EPHA6: variants seen among roughly 807,000 people sequenced by gnomAD.
The protein encoded by EPHA6 is EPH receptor A6.
Under a neutral mutation model 112.0 loss-of-function variants are expected in EPHA6, and 50 were observed. The observed-to-expected ratio is 0.45, with a 90% CI of 0.36 to 0.56. The LOEUF (loss-of-function observed/expected upper bound fraction) is 0.56, where lower values mean the gene tolerates loss of function less well. EPHA6 is among the 20% of genes least tolerant of loss of function. EPHA6 has a pLI of 0.00. For missense variants in EPHA6, 1,280 were observed against 1,417.4 expected (o/e 0.90, Z 1.56); for synonymous variants, 529 against 490.7 (o/e 1.08, Z -1.03).
intron 13 of EPHA6, among the ~76,000 whole-genome samples, chr3:97,630,442 T>G (rs2093893210): frequency 6.6e-6 from 1 of 152,024 alleles, no homozygotes; most frequent in South Asian, 2.1e-4. Context: ...AAACATTTCT[T>G]TTTCAAATTC....
At chr3:97,747,312 A>G in intron 16 of EPHA6, 111 bp from the exon 17 acceptor site, 1 of 968,240 alleles carries the variant, frequency 1.0e-6, no homozygotes, top group Non-Finnish European at 1.4e-6. Context: ...AATGGAGAAT[A>G]AAAACATTAG....
intron 5 of EPHA6, among the ~76,000 whole-genome samples, chr3:97,284,233 A>C (rs1395110256): frequency 6.6e-6 from 1 of 152,128 alleles, no homozygotes; most frequent in Non-Finnish European, 1.5e-5. Flanking sequence ...TAGATATTTG[A>C]TTCTTATTGT....
chr3:97,419,412 C>T (rs1025859885), intron 6 of EPHA6, among the ~76,000 whole-genome samples: 1 of 151,952 alleles, frequency 6.6e-6, no homozygotes, highest in Non-Finnish European at 1.5e-5. Flanking sequence ...TCACCTGAGG[C>T]CAGCAGTTCA....
intron 9 of EPHA6, among the ~76,000 whole-genome samples, chr3:97,480,934 C>T (rs1212309579): frequency 5.3e-5 from 8 of 149,980 alleles, no homozygotes; most frequent in East Asian, 2.0e-4. Context: ...CGGGCAAAGA[C>T]GCTCCTCACT....
In EPHA6 at chr3:97,244,099, G is replaced by T. The variant is rs565852920; in HGVS notation, c.1418G>T (p.Cys473Phe). 1 of 1,613,032 alleles carries T rather than the reference G, an allele frequency of 6.2e-7. No homozygotes were observed. The highest frequency in any genetic ancestry group is 1.3e-5 in the African/African-American group (1 of 74,982). Residue 473 changes from cysteine to phenylalanine, a missense_variant, in exon 5 of 18, where the codon TGT becomes TTT. Cys to Phe is a radical substitution (Grantham distance 205). Coordinates refer to ENST00000389672, the MANE Select transcript of EPHA6 (RefSeq NM_001080448.3). ...CKKCGLDTSQ[C>F]EDCGGGLRFI... ...AAATGTGGCTTAGACACCAGCCAGTGTGAGGACTGTGGTGGAGGACTCCGC... is the reference window on the plus strand; with the variant it reads ...AAATGTGGCTTAGACACCAGCCAGTTTGAGGACTGTGGTGGAGGACTCCGC...
intron 5 of EPHA6, among the ~76,000 whole-genome samples, chr3:97,386,837 G>A (rs143932391): frequency 2.0e-5 from 3 of 152,332 alleles, no homozygotes; most frequent in Non-Finnish European, 2.9e-5. Context: ...ACATCCAGGT[G>A]TTTCCATACA....
rs1322705215 is a variant in EPHA6, at chr3:97,396,889, A to G, written c.1607-8261A>G. ...CTCCACATAAGCATAAGAAAATAAT[A>G]CTCATCTAATTGTAAATGAGGCCTC... On this transcript the variant is annotated intron_variant, in intron 5 of 17. Transcript: ENST00000389672. Among the ~76,000 whole-genome samples, 5 of 151,892 alleles carry G rather than the reference A, an allele frequency of 3.3e-5. No homozygotes were observed. The South Asian group carries it at 1.0e-3, about 31-fold the overall frequency.
intron 3 of EPHA6, among the ~76,000 whole-genome samples, chr3:97,012,243 A>G (rs984899118): frequency 2.0e-5 from 3 of 151,820 alleles, no homozygotes; most frequent in Non-Finnish European, 4.4e-5. Context: ...ACTGCTTTCC[A>G]TGGTGGCTGA....
intron 3 of EPHA6, among the ~76,000 whole-genome samples, chr3:97,208,306 A>T (rs1036949555): frequency 6.6e-6 from 1 of 152,216 alleles, no homozygotes; most frequent in African/African-American, 2.4e-5. Flanking sequence ...AAGCTATTTT[A>T]AAATATTAAT....
At chr3:97,273,881 C>T (rs2079976975) in intron 5 of EPHA6, among the ~76,000 whole-genome samples, 1 of 152,138 alleles carries the variant, frequency 6.6e-6, no homozygotes, top group African/African-American at 2.4e-5. Flanking sequence ...ATTGTCTACC[C>T]AGACTAAGAG....
intron 2 of EPHA6, among the ~76,000 whole-genome samples, chr3:96,899,282 G>A (rs2038469822): frequency 6.6e-6 from 1 of 152,032 alleles, no homozygotes; most frequent in Non-Finnish European, 1.5e-5. Context: ...GTATATCTGT[G>A]TCTTCATACA....
chr3:97,676,039 G>C (rs1352599012), intron 14 of EPHA6, among the ~76,000 whole-genome samples: 1 of 152,100 alleles, frequency 6.6e-6, no homozygotes, highest in East Asian at 1.9e-4. Context: ...GGAAAAAATT[G>C]CTAAATTTTG....
At chr3:97,024,158 A>G (rs1299999518) in intron 3 of EPHA6, among the ~76,000 whole-genome samples, 3 of 152,186 alleles carry the variant, frequency 2.0e-5, no homozygotes, top group Non-Finnish European at 4.4e-5. Context: ...CTAGTATAAG[A>G]GTAGAGCAGT....
At chr3:97,391,481 A>C (rs552668264) in intron 5 of EPHA6, among the ~76,000 whole-genome samples, 2 of 151,928 alleles carry the variant, frequency 1.3e-5, no homozygotes, top group Non-Finnish European at 2.9e-5. Flanking sequence ...TTCCAGGCTG[A>C]TCCTATTTCT....
At position 97,536,067 on chromosome 3, in the gene EPHA6, A is replaced by G. The variant is rs112218897; in HGVS notation, c.2386+3524A>G. 5.1e-3 allele frequency among the ~76,000 whole-genome samples: 780 copies of G among 152,298 alleles called. 9 individuals are homozygous for G. Among genetic ancestry groups the G allele is most frequent in the African/African-American group, 0.018 (747 of 41,576 alleles). On this transcript the variant is annotated intron_variant, in intron 11 of 17. Transcript: ENST00000389672. ...ATTAAGATACAAGTGATATAAAAAG[A>G]GATTAATTGACCCATAACCATATGC...
At chr3:97,724,556 A>T (rs1004766439) in intron 15 of EPHA6, among the ~76,000 whole-genome samples, 1 of 152,060 alleles carries the variant, frequency 6.6e-6, no homozygotes, top group African/African-American at 2.4e-5. Flanking sequence ...ATCACTTCCC[A>T]GGAGTTCCAG....
rs770221629 is a variant in EPHA6, at chr3:97,475,399, G to A, written c.1942G>A (p.Ala648Thr). The A allele has an allele frequency of 6.8e-6, 11 of 1,611,954 alleles. No homozygotes were observed. Among genetic ancestry groups the A allele is most frequent in the East Asian group, 2.2e-5 (1 of 44,842 alleles). Residue 648 changes from alanine (A) to threonine (T), a missense_variant, in exon 8 of 18, where the codon GCC (alanine) becomes ACC (threonine). Physicochemically the swap from Ala to Thr is moderately conservative, Grantham distance 58 (BLOSUM62 0). Transcript: ENST00000389672. Reference protein sequence around the residue: ...EQGQILVIATAAVGGFTLLVI... With the variant: ...EQGQILVIATTAVGGFTLLVI... Reference sequence around the variant, plus strand: ...AGGACAGATTCTCGTGATAGCCACCGCCGCTGTTGGCGGATTCACTCTCCT... The same window carrying A: ...AGGACAGATTCTCGTGATAGCCACCACCGCTGTTGGCGGATTCACTCTCCT...
At chr3:97,398,507 CT>C (rs1025442553) in intron 5 of EPHA6, among the ~76,000 whole-genome samples, 2 of 151,050 alleles carry the variant, frequency 1.3e-5, no homozygotes, top group Non-Finnish European at 3.0e-5. Context: ...TTTTTCTGTT[CT>C]TTTTTTAATG....
At chr3:97,359,828 G>A (rs1318057841) in intron 5 of EPHA6, among the ~76,000 whole-genome samples, 8 of 150,922 alleles carry the variant, frequency 5.3e-5, no homozygotes, top group African/African-American at 1.7e-4. Context: ...CGGTGTAAAC[G>A]TAAGGTCTTC....
Sources: allele counts gnomAD v4.1 joint callset (sites outside exome capture counted in the v4.1 genomes callset), GRCh38; gene constraint gnomAD v4.1.1; transcripts MANE v1.5; gene names NCBI Gene and HGNC (gene_info 2026-07-23, HGNC 2026-07-21).